The following ATP2B2 variants were observed in gnomAD, a reference collection of about 807,000 sequenced individuals.
The protein encoded by ATP2B2 is ATPase plasma membrane Ca2+ transporting 2, also known as plasma membrane calcium-transporting ATPase 2.
A neutral mutation model predicts 120.0 loss-of-function variants in ATP2B2; 15 were observed. That is an observed-to-expected ratio of 0.12 (90% CI 0.08 to 0.19). The LOEUF is 0.19. Ranked by LOEUF, ATP2B2 falls within the 10% of genes least tolerant of loss-of-function variation. The pLI is 1.00. For missense variants in ATP2B2, 1,045 were observed against 1,719.8 expected, an observed-to-expected ratio of 0.61 and a Z score of 6.94; for synonymous variants, 694 against 700.3, an observed-to-expected ratio of 0.99 and a Z score of 0.14.
intron 1 of ATP2B2, chr3:10,626,582 T>C (rs1358615544): frequency 6.7e-6 from 1 of 150,278 alleles, no homozygotes; most frequent in Non-Finnish European, 1.5e-5. Context: ...GATGGATGGA[T>C]GGATGGATGG....
At chr3:10,521,530 T>C (rs566163317) in intron 3 of ATP2B2, among the ~76,000 whole-genome samples, 60 of 152,364 alleles carry the variant, frequency 3.9e-4, no homozygotes, top group African/African-American at 1.3e-3. Flanking sequence ...TTGATGCTCC[T>C]TTTTAAGGTG....
chr3:10,340,358 C>T lies in ATP2B2; in HGVS notation c.3130-9G>A. ...AACTGCACGATCACTATCTGGAGGT[C>T]ACAGGGGAGCAGAGAAAGAGAGAGA... On this transcript the variant is annotated splice_polypyrimidine_tract_variant and intron_variant, in intron 20 of 22. Coordinates refer to ENST00000360273, the MANE Select transcript of ATP2B2 (RefSeq NM_001001331.4). The surrounding 1 kb of genome is among the most constrained non-coding windows in gnomAD (Gnocchi z 5.0). 1 of 1,613,844 alleles carries T rather than the reference C, an allele frequency of 6.2e-7. No individual in the cohort carries two copies. The highest frequency in any genetic ancestry group is 8.5e-7 in the Non-Finnish European group (1 of 1,179,856).
chr3:10,556,213 A>G (rs2067775150), intron 2 of ATP2B2, among the ~76,000 whole-genome samples: 3 of 152,176 alleles, frequency 2.0e-5, no homozygotes, highest in Admixed American at 2.0e-4. Flanking sequence ...AGCCCATTTT[A>G]TGACAGGCAG....
chr3:10,401,149 G>A (rs79130772), intron 4 of ATP2B2, 71 bp from the exon 5 acceptor site: 24 of 1,586,766 alleles, frequency 1.5e-5, no homozygotes, highest in Non-Finnish European at 2.1e-5. Flanking sequence ...TCCCTTAAAG[G>A]TGCGATTACC....
intron 3 of ATP2B2, among the ~76,000 whole-genome samples, chr3:10,528,094 C>T (rs2067136875): frequency 6.6e-6 from 1 of 152,162 alleles, no homozygotes; most frequent in Admixed American, 6.5e-5. Context: ...CCCCTGGCTT[C>T]TTCTTGGGCT....
chr3:10,683,291 C>T (rs1419516750), intron 1 of ATP2B2, among the ~76,000 whole-genome samples: 2 of 151,948 alleles, frequency 1.3e-5, no homozygotes, highest in Non-Finnish European at 2.9e-5. Context: ...ACTCTCCAAT[C>T]CTTTGGATGA....
intron 1 of ATP2B2, among the ~76,000 whole-genome samples, chr3:10,634,134 T>C (rs1196054427): frequency 6.6e-6 from 1 of 152,192 alleles, no homozygotes; most frequent in African/African-American, 2.4e-5. Context: ...GCTGACACAA[T>C]GAGATGGCGA....
chr3:10,612,387 G>A (rs1347356632), intron 2 of ATP2B2, among the ~76,000 whole-genome samples: 2 of 152,098 alleles, frequency 1.3e-5, no homozygotes, highest in African/African-American at 2.4e-5. Context: ...TCCTTGGCCT[G>A]TAGAAGCATT....
At chr3:10,553,593 G>A (rs923531206) in intron 2 of ATP2B2, among the ~76,000 whole-genome samples, 2 of 152,210 alleles carry the variant, frequency 1.3e-5, no homozygotes, top group African/African-American at 2.4e-5. Context: ...TATTTAGTCT[G>A]ATCCCCATGT....
intron 2 of ATP2B2, among the ~76,000 whole-genome samples, chr3:10,421,349 C>T (rs1158465024): frequency 6.6e-6 from 1 of 152,168 alleles, no homozygotes; most frequent in East Asian, 1.9e-4. Context: ...CCAGCTCCCA[C>T]AGGGCCCTTC....
intron 14 of ATP2B2, among the ~76,000 whole-genome samples, chr3:10,353,482 C>A (rs917917054): frequency 2.0e-5 from 3 of 152,166 alleles, no homozygotes. Context: ...GAGGTATGAA[C>A]GGGCCTGAGG....
At chr3:10,345,896 C>T (rs372458581) in intron 17 of ATP2B2, 135 bp downstream of exon 17, 12 of 908,508 alleles carry the variant, frequency 1.3e-5, no homozygotes, top group East Asian at 5.3e-5. Context: ...GGCTGAGTCT[C>T]GAGAAGGGTG....
chr3:10,389,956 G>C (rs903386686), intron 5 of ATP2B2, among the ~76,000 whole-genome samples: 2 of 152,164 alleles, frequency 1.3e-5, no homozygotes, highest in African/African-American at 4.8e-5. Context: ...CCTTTGATTG[G>C]TGCTGGAAGA....
At position 10,528,354 on chromosome 3, in the gene ATP2B2, T is replaced by A. The variant is rs564814135; in HGVS notation, c.-320+5685A>T. On this transcript the variant is annotated intron_variant, in intron 3 of 21. Transcript: ENST00000646379. Reference sequence around the variant, plus strand: ...TGGGCCAAACAGCACAGAATCTTGCTTCCTCCAGGAAGCCTCTCTGGACTA... The same window carrying A: ...TGGGCCAAACAGCACAGAATCTTGCATCCTCCAGGAAGCCTCTCTGGACTA... Among the ~76,000 whole-genome samples, 123 of 152,092 alleles carry A rather than the reference T, an allele frequency of 8.1e-4. 2 individuals are homozygous for A. The highest frequency in any genetic ancestry group is 1.3e-3 in the Non-Finnish European group (89 of 68,004).
At chr3:10,561,975 G>C (rs2067913046) in intron 2 of ATP2B2, among the ~76,000 whole-genome samples, 1 of 152,198 alleles carries the variant, frequency 6.6e-6, no homozygotes. Context: ...GCCTCTCCAA[G>C]GGGCTGAAGA....
intron 3 of ATP2B2, among the ~76,000 whole-genome samples, chr3:10,531,591 T>A (rs1392535688): frequency 6.6e-6 from 1 of 152,180 alleles, no homozygotes; most frequent in East Asian, 1.9e-4. Flanking sequence ...ATTGCTATGG[T>A]GATTTTTGTG....
intron 2 of ATP2B2, among the ~76,000 whole-genome samples, chr3:10,420,955 A>T (rs2062956863): frequency 1.3e-5 from 2 of 152,188 alleles, no homozygotes; most frequent in Non-Finnish European, 2.9e-5. Flanking sequence ...CTCCCCAGGG[A>T]TTGCAATGTG....
upstream of ATP2B2, among the ~76,000 whole-genome samples, chr3:10,508,805 G>A (rs1468467546): frequency 6.6e-6 from 1 of 152,222 alleles, no homozygotes; most frequent in Non-Finnish European, 1.5e-5. Context: ...GGAAATGACA[G>A]GTCAGGGTCA....
At chr3:10,703,937 C>T (rs1258346423) in intron 1 of ATP2B2, among the ~76,000 whole-genome samples, 3 of 152,198 alleles carry the variant, frequency 2.0e-5, no homozygotes, top group African/African-American at 4.8e-5. Context: ...CTAGGAACAG[C>T]CACTGTGTCC....
Sources: allele counts gnomAD v4.1 joint callset (sites outside exome capture counted in the v4.1 genomes callset), GRCh38; gene constraint gnomAD v4.1.1; non-coding constraint Gnocchi (gnomAD v3.1); transcripts MANE v1.5; gene names NCBI Gene and HGNC (gene_info 2026-07-23, HGNC 2026-07-21).